ADRM1: variants seen among roughly 807,000 people sequenced by gnomAD.
ADRM1 encodes the protein proteasomal ubiquitin receptor ADRM1.
A neutral mutation model predicts 40.1 loss-of-function variants in ADRM1; 2 were observed. The observed-to-expected ratio is 0.05, with a 90% CI of 0.02 to 0.16. The LOEUF is 0.16. Among genes scored for constraint, ADRM1 ranks in the 10% least tolerant of loss-of-function variants. The pLI, the probability that ADRM1 is intolerant of heterozygous loss-of-function variation, is 1.00. For missense variants in ADRM1, 467 were observed against 552.5 expected (o/e 0.85, Z 1.55); for synonymous variants, 287 against 240.4 (o/e 1.19, Z -1.79).
chr20:62,308,193 C>T lies in ADRM1; in HGVS notation c.1014+15C>T. ...AGTTCCAGCAGGTAGAGGCCGGGCCCAGGGTGTCCTCCACTGTGTGCTCAG... is the reference window on the plus strand; with the variant it reads ...AGTTCCAGCAGGTAGAGGCCGGGCCTAGGGTGTCCTCCACTGTGTGCTCAG... On this transcript the variant is annotated intron_variant, in intron 8 of 9. Transcript: ENST00000253003. 6.3e-7 allele frequency: 1 copy of T among 1,595,478 alleles called. No homozygotes were observed. The highest frequency in any genetic ancestry group is 1.1e-5 in the South Asian group (1 of 90,378).
At position 62,308,829 on chromosome 20, in the gene ADRM1, GATTATTA is replaced by G; in HGVS notation, c.*71_*77del. 1 of 1,565,962 alleles carries G rather than the reference GATTATTA, an allele frequency of 6.4e-7. No homozygotes were observed. Among genetic ancestry groups the G allele is most frequent in the South Asian group, 1.2e-5 (1 of 84,860 alleles). On this transcript the variant is annotated 3_prime_UTR_variant, in exon 10 of 10. Transcript: ENST00000253003. ...TGCACACCCTCACCTCCCACCCACTGATTATTAATAAAGTCTTTTCTTTTACCTGCCA... is the reference window on the plus strand; with the variant it reads ...TGCACACCCTCACCTCCCACCCACTGATAAAGTCTTTTCTTTTACCTGCCA...
intron 5 of ADRM1, 109 bp downstream of exon 5, chr20:62,306,843 G>T: frequency 1.8e-6 from 2 of 1,102,104 alleles, no homozygotes; most frequent in Non-Finnish European, 1.3e-6. Context: ...GTGTCGGGGA[G>T]CCTGTGTGTC....
At chr20:62,304,149 T>A in intron 2 of ADRM1, 1 of 477,126 alleles carries the variant, frequency 2.1e-6, no homozygotes, top group South Asian at 2.3e-5. Context: ...TTAGTTGTTC[T>A]TTGTTACATT....
Position 62,306,180 on chromosome 20 carries a change from T to C in ADRM1, c.331-17T>C, listed in dbSNP as rs760800805. The C allele has an allele frequency of 1.2e-6, 2 of 1,604,034 alleles. No homozygotes were observed. Among genetic ancestry groups the C allele is most frequent in the Non-Finnish European group, 1.7e-6 (2 of 1,172,606 alleles). Reference sequence around the variant, plus strand: ...GCTGGCGCCAGCTCCTGCCCTTACATGCCCTTCCTCTTGCAGGAACCCAAG... The same window carrying C: ...GCTGGCGCCAGCTCCTGCCCTTACACGCCCTTCCTCTTGCAGGAACCCAAG... On this transcript the variant is annotated splice_polypyrimidine_tract_variant and intron_variant, in intron 3 of 9. Transcript: ENST00000253003.
intron 1 of ADRM1, 108 bp from the exon 2 acceptor site, chr20:62,303,460 C>T (rs1601225862): frequency 1.7e-6 from 2 of 1,148,138 alleles, no homozygotes; most frequent in Non-Finnish European, 2.5e-6. Context: ...CTGCCTTAGG[C>T]AGCTCTGGGC....
intron 1 of ADRM1, 138 bp from the exon 2 acceptor site, chr20:62,303,430 G>T (rs1159484704): frequency 6.9e-6 from 6 of 863,796 alleles, no homozygotes; most frequent in Non-Finnish European, 1.8e-6. Context: ...ACGCGGAAAG[G>T]CAGCCCGGCG....
intron 6 of ADRM1, 23 bp downstream of exon 6, chr20:62,307,475 C>A: frequency 6.2e-7 from 1 of 1,606,124 alleles, no homozygotes; most frequent in Non-Finnish European, 8.5e-7. Context: ...GCTCCTGCCA[C>A]GCAGGTGCCA....
intron 4 of ADRM1, 29 bp downstream of exon 4, chr20:62,306,349 A>G (rs1244121800): frequency 5.0e-6 from 8 of 1,609,158 alleles, no homozygotes; most frequent in Non-Finnish European, 6.8e-6. Flanking sequence ...ACGTGAGCTC[A>G]GGGTTTCCTG....
chr20:62,304,453 C>G lies in ADRM1; in HGVS notation c.214-8C>G. The G allele has an allele frequency of 9.9e-6, 16 of 1,611,670 alleles. No individual in the cohort carries two copies. Among genetic ancestry groups the G allele is most frequent in the Non-Finnish European group, 1.4e-5 (16 of 1,178,220 alleles). ...CGCCACTGACTCTCTCTTCCCCTGG[C>G]TTGCCAGGACTTGATCATCTTCCCT... On this transcript the variant is annotated splice_polypyrimidine_tract_variant and splice_region_variant and intron_variant, in intron 2 of 9. Transcript: ENST00000253003.
Position 62,307,724 on chromosome 20 carries a change from G to C in ADRM1, c.752G>C (p.Gly251Ala). The C allele has an allele frequency of 6.2e-7, 1 of 1,612,080 alleles. No homozygotes were observed. Among genetic ancestry groups the C allele is most frequent in the Non-Finnish European group, 8.5e-7 (1 of 1,179,812 alleles). ...SPSPAPSSGN[G>A]ASTAASPTQP... Reference sequence around the variant, plus strand: ...AGCCCCGCGCCCAGTTCCGGGAATGGAGCCAGCACAGCAGCCAGCCCGACC... The same window carrying C: ...AGCCCCGCGCCCAGTTCCGGGAATGCAGCCAGCACAGCAGCCAGCCCGACC... Residue 251 changes from glycine to alanine, a missense_variant, in exon 7 of 10, where the codon GGA becomes GCA. Physicochemically the swap from Gly to Ala is moderately conservative, Grantham distance 60. Around this residue, in one of 3 missense-constraint regions of ADRM1, gnomAD observed 418 missense variants for 474.6 expected, o/e 0.88. Coordinates refer to ENST00000253003, the MANE Select transcript of ADRM1 (RefSeq NM_007002.4).
Position 62,307,797 on chromosome 20 carries a change from C to T in ADRM1, c.825C>T (p.Asn275=), listed in dbSNP as rs770193637. ...TCCAGAGCATCCTGGCCACGATGAA[C>T]GTACCAGCCGGGCCAGCAGGCGGCC... ...SDLQSILATM[N]VPAGPAGGQQ... is the part of the protein sequence containing the mutation. The change falls in exon 7 of 10, where the codon AAC becomes AAT. Residue 275 remains asparagine, a synonymous_variant. Transcript: ENST00000253003. 16 of 1,609,858 alleles carry T rather than the reference C, an allele frequency of 9.9e-6. No homozygotes were observed. The highest frequency in any genetic ancestry group is 2.7e-5 in the African/African-American group (2 of 74,894).
At position 62,307,959 on chromosome 20, in the gene ADRM1, C is replaced by T. The variant is rs1355875871; in HGVS notation, c.857-62C>T. 6 of 1,571,702 alleles carry T rather than the reference C, an allele frequency of 3.8e-6. No homozygotes were observed. The Middle Eastern group carries it at 6.7e-4, about 176-fold the overall frequency. On this transcript the variant is annotated intron_variant, in intron 7 of 9. Transcript: ENST00000253003. ...GGGCCATGGGCTGAGTCCCTGCTTGCATGCCTTCCATGTGGGCACTTAGGC... is the reference window on the plus strand; with the variant it reads ...GGGCCATGGGCTGAGTCCCTGCTTGTATGCCTTCCATGTGGGCACTTAGGC...
chr20:62,306,173 C>T (rs1224073891), intron 3 of ADRM1, 24 bp from the exon 4 acceptor site: 2 of 1,600,276 alleles, frequency 1.2e-6, no homozygotes, highest in East Asian at 2.2e-5. Context: ...CAGCTCCTGC[C>T]CTTACATGCC....
chr20:62,306,194 C>T lies in ADRM1; in HGVS notation c.331-3C>T, dbSNP rs779177086. On this transcript the variant is annotated splice_polypyrimidine_tract_variant and splice_region_variant and intron_variant, in intron 3 of 9. Transcript: ENST00000253003. ...CTGCCCTTACATGCCCTTCCTCTTGCAGGAACCCAAGACAGACCAGGATGA... is the reference window on the plus strand; with the variant it reads ...CTGCCCTTACATGCCCTTCCTCTTGTAGGAACCCAAGACAGACCAGGATGA... 2 of 1,607,086 alleles carry T rather than the reference C, an allele frequency of 1.2e-6. No homozygotes were observed. The highest frequency in any genetic ancestry group is 1.7e-6 in the Non-Finnish European group (2 of 1,174,824).
Position 62,304,685 on chromosome 20 carries a change from ACACCCGGC to A in ADRM1, c.330+112_330+119del. 4 of 1,043,256 alleles carry A rather than the reference ACACCCGGC, an allele frequency of 3.8e-6. No homozygotes were observed. The South Asian group carries it at 5.3e-5, about 14-fold the overall frequency. 64.6% of individuals were successfully genotyped at this position (1,043,256 alleles called of 1,614,324 possible). On this transcript the variant is annotated intron_variant, in intron 3 of 9. Coordinates refer to ENST00000253003, the MANE Select transcript of ADRM1 (RefSeq NM_007002.4). ...TTTTATAAACCAGCAGGCGCCGGCC[ACACCCGGC>A]CACACGGCCTGAGATGCCACCTCAG...
At chr20:62,305,177 C>T (rs1198564529) in intron 3 of ADRM1, among the ~76,000 whole-genome samples, 1 of 152,204 alleles carries the variant, frequency 6.6e-6, no homozygotes, top group Non-Finnish European at 1.5e-5. Flanking sequence ...AGATCATTTT[C>T]CATAAGCCAG....
intron 3 of ADRM1, 121 bp downstream of exon 3, chr20:62,304,698 C>A (rs954842317): frequency 1.0e-6 from 1 of 959,566 alleles, no homozygotes; most frequent in Admixed American, 1.9e-5. Flanking sequence ...CCCGGCCACA[C>A]GGCCTGAGAT....
intron 5 of ADRM1, 146 bp downstream of exon 5, chr20:62,306,880 C>G: frequency 1.2e-6 from 1 of 838,206 alleles, no homozygotes; most frequent in Non-Finnish European, 1.8e-6. Context: ...TTTGGGAATG[C>G]GCTTGTTTGC....
chr20:62,303,143 A>G (rs1984348490), intron 1 of ADRM1, 94 bp downstream of exon 1: 1 of 148,554 alleles, frequency 6.7e-6, no homozygotes, highest in Non-Finnish European at 1.5e-5. Context: ...AGCCAAGACG[A>G]GAAGGTGGCC....
Sources: gnomAD v4.1 joint callset for allele counts (sites outside exome capture counted in the v4.1 genomes callset) on GRCh38, gnomAD v4.1.1 for gene constraint, gnomAD v4.1.1 regional missense constraint, MANE v1.5 for transcripts, NCBI Gene and HGNC (gene_info 2026-07-23, HGNC 2026-07-21) for gene names.